Variants in OXSR1 observed in about 807,000 individuals in gnomAD.
The protein encoded by OXSR1 is serine/threonine-protein kinase OSR1.
A neutral mutation model predicts 79.8 loss-of-function variants in OXSR1; 24 were observed. That is an observed-to-expected ratio of 0.30 (90% CI 0.22 to 0.42). The LOEUF (loss-of-function observed/expected upper bound fraction) is 0.42, where lower values mean the gene tolerates loss of function less well. Ranked by LOEUF, OXSR1 falls within the 10% of genes least tolerant of loss-of-function variation. OXSR1 has a pLI of 1.00. For synonymous variants in OXSR1, 226 were observed against 209.2 expected (o/e 1.08, Z -0.69); for missense variants, 430 against 618.4 (o/e 0.70, Z 3.23).
upstream of OXSR1, among the ~76,000 whole-genome samples, chr3:38,164,364 T>TAA (rs1312658326): frequency 2.0e-5 from 3 of 152,188 alleles, no homozygotes; most frequent in African/African-American, 7.2e-5. Context: ...CAGGATGGTC[T>TAA]CGAACTCCTG....
At chr3:38,183,313 T>C (rs1701821892) in intron 2 of OXSR1, among the ~76,000 whole-genome samples, 198 bp downstream of exon 2, 1 of 152,256 alleles carries the variant, frequency 6.6e-6, no homozygotes, top group Non-Finnish European at 1.5e-5. Context: ...ACTCTGAGAC[T>C]AACATTTAAT....
chr3:38,196,469 G>A (rs1702074384), intron 3 of OXSR1, among the ~76,000 whole-genome samples: 1 of 152,170 alleles, frequency 6.6e-6, no homozygotes, highest in South Asian at 2.1e-4. Context: ...TCTTAGTGAC[G>A]ATTCCTCCAC....
chr3:38,192,207 A>G (rs1297123195), intron 3 of OXSR1, among the ~76,000 whole-genome samples: 1 of 152,168 alleles, frequency 6.6e-6, no homozygotes, highest in Admixed American at 6.5e-5. Flanking sequence ...AGGTTGTCCA[A>G]AATTTGTCAG....
intron 4 of OXSR1, among the ~76,000 whole-genome samples, chr3:38,206,196 G>A (rs1488060900): frequency 6.6e-6 from 1 of 152,124 alleles, no homozygotes; most frequent in Admixed American, 6.5e-5. Context: ...GTGAAAAAAA[G>A]AGGCTTTATT....
intron 14 of OXSR1, among the ~76,000 whole-genome samples, chr3:38,248,778 A>G (rs1273643192): frequency 2.0e-5 from 3 of 152,218 alleles, no homozygotes; most frequent in East Asian, 1.9e-4. Flanking sequence ...CTGAGTTACT[A>G]GGATGTCTTG....
At chr3:38,187,147 G>C (rs78022006) in intron 2 of OXSR1, among the ~76,000 whole-genome samples, 2,440 of 152,194 alleles carry the variant, frequency 0.016, 68 homozygotes, top group African/African-American at 0.054. Context: ...CACTAAGAGA[G>C]ATACATTCTA....
chr3:38,229,048 A>G (rs769238386), intron 8 of OXSR1, among the ~76,000 whole-genome samples: 1 of 152,232 alleles, frequency 6.6e-6, no homozygotes, highest in Non-Finnish European at 1.5e-5. Context: ...ATTCTGAATG[A>G]TACTCTTTTA....
At chr3:38,192,217 G>A (rs1222027278) in intron 3 of OXSR1, among the ~76,000 whole-genome samples, 7 of 152,122 alleles carry the variant, frequency 4.6e-5, no homozygotes, top group Admixed American at 2.0e-4. Flanking sequence ...AAATTTGTCA[G>A]GGGGAGCCCT....
intron 12 of OXSR1, among the ~76,000 whole-genome samples, chr3:38,245,479 C>G (rs1443964183): frequency 6.6e-6 from 1 of 152,110 alleles, no homozygotes; most frequent in Admixed American, 6.6e-5. Context: ...GTAAGAAATA[C>G]AAAGTCCTCA....
At chr3:38,166,069 G>C in intron 1 of OXSR1, 123 bp downstream of exon 1, 2 of 877,222 alleles carry the variant, frequency 2.3e-6, no homozygotes, top group South Asian at 1.4e-5. Context: ...CGCTTGTGGG[G>C]CTGGGGGCTT....
chr3:38,186,254 A>G (rs1250127878), intron 2 of OXSR1, among the ~76,000 whole-genome samples: 1 of 152,122 alleles, frequency 6.6e-6, no homozygotes, highest in East Asian at 1.9e-4. Context: ...TTTTTTTTAA[A>G]GGGAAATGAC....
intron 1 of OXSR1, among the ~76,000 whole-genome samples, chr3:38,180,831 G>A (rs1329146721): frequency 6.6e-6 from 1 of 152,048 alleles, no homozygotes; most frequent in African/African-American, 2.4e-5. Flanking sequence ...ACTGTGCCTG[G>A]CTATAACTCT....
chr3:38,206,498 TAAAAA>T (rs1175334961), intron 4 of OXSR1, among the ~76,000 whole-genome samples: 1 of 136,324 alleles, frequency 7.3e-6, no homozygotes, highest in Admixed American at 7.4e-5. Context: ...ATTGCATTCT[TAAAAA>T]AAAAAAAAAA....
chr3:38,175,233 G>C (rs1048677720), intron 1 of OXSR1, among the ~76,000 whole-genome samples: 1 of 152,172 alleles, frequency 6.6e-6, no homozygotes, highest in Non-Finnish European at 1.5e-5. Flanking sequence ...GAGAAAATGT[G>C]TTCATTTGAT....
At chr3:38,244,637 CTGTG>C (rs112035003) in intron 12 of OXSR1, among the ~76,000 whole-genome samples, 9 of 99,398 alleles carry the variant, frequency 9.1e-5, no homozygotes, top group Admixed American at 2.9e-4. Context: ...TAATATTCCT[CTGTG>C]TGTGTGTGTG....
chr3:38,228,302 T>G (rs1254069164), intron 8 of OXSR1, among the ~76,000 whole-genome samples: 2 of 152,168 alleles, frequency 1.3e-5, no homozygotes, highest in African/African-American at 4.8e-5. Context: ...GAATGAATAA[T>G]AAGAAGCAAT....
rs1575316519 is a variant in OXSR1, at chr3:38,184,905, T to C, written c.183+1790T>C. ...GTTCAAAAGTAGAAAGAACATTTCT[T>C]TTTTTTTTTTTTTTTTTTTTTTTTT... On this transcript the variant is annotated intron_variant, in intron 2 of 17. Coordinates refer to ENST00000311806, the MANE Select transcript of OXSR1 (RefSeq NM_005109.3). Among the ~76,000 whole-genome samples, 5 of 5,060 alleles carry C rather than the reference T, an allele frequency of 9.9e-4. No individual in the cohort carries two copies. In the East Asian group the frequency reaches 0.027, roughly 28 times the overall value. The allele number at this position is 5,060 out of a possible 152,430, so 3.3% of individuals were successfully genotyped here.
intron 4 of OXSR1, among the ~76,000 whole-genome samples, chr3:38,204,612 G>C (rs1297918427): frequency 1.3e-5 from 2 of 151,938 alleles, no homozygotes; most frequent in Non-Finnish European, 2.9e-5. Context: ...CTGGCCCAGG[G>C]TGTGTCTAGA....
intron 15 of OXSR1, chr3:38,250,221 CAG>C (rs1356159234): frequency 3.7e-6 from 2 of 538,210 alleles, no homozygotes; most frequent in Non-Finnish European, 6.6e-6. Flanking sequence ...ATAATACAAA[CAG>C]TAATAAATAT....
Sources: allele counts gnomAD v4.1 joint callset (sites outside exome capture counted in the v4.1 genomes callset), GRCh38; gene constraint gnomAD v4.1.1; transcripts MANE v1.5; gene names NCBI Gene and HGNC (gene_info 2026-07-23, HGNC 2026-07-21).